SLC25A3: variants seen among roughly 807,000 people sequenced by gnomAD.
SLC25A3 encodes the protein phosphate transport protein.
Under a neutral mutation model 37.1 loss-of-function variants are expected in SLC25A3, and 14 were observed. The observed-to-expected ratio is 0.38, with a 90% CI of 0.25 to 0.59. The LOEUF (loss-of-function observed/expected upper bound fraction) is 0.59. Among genes scored for constraint, SLC25A3 ranks in the 20% least tolerant of loss-of-function variants. The pLI, the probability that SLC25A3 is intolerant of heterozygous loss-of-function variation, is 0.67. For missense variants in SLC25A3, 385 were observed against 458.1 expected, an observed-to-expected ratio of 0.84 and a Z score of 1.46; for synonymous variants, 161 against 168.7, an observed-to-expected ratio of 0.95 and a Z score of 0.36.
In SLC25A3 at chr12:98,601,556, C is replaced by T. The variant is rs370373809; in HGVS notation, c.*28C>T. The T allele has an allele frequency of 4.9e-6, 7 of 1,416,786 alleles. No individual in the cohort carries two copies. Among genetic ancestry groups the T allele is most frequent in the Non-Finnish European group, 7.0e-6 (7 of 1,000,112 alleles). 87.8% of individuals were successfully genotyped at this position (1,416,786 alleles called of 1,614,324 possible). A position where few individuals can be genotyped will look rare whatever the true frequency, so the allele number is the denominator to read the frequency against. ...AGATCAAAGCAAATGTGGACTGAAT[C>T]TGCTTGTTGATCAGTGTTGAAGAAA... On this transcript the variant is annotated 3_prime_UTR_variant, in exon 8 of 8. Transcript: ENST00000552981.
Position 98,594,155 on chromosome 12 carries a change from A to G in SLC25A3, c.157+20A>G, listed in dbSNP as rs775780499. On this transcript the variant is annotated intron_variant, in intron 2 of 7. Transcript: ENST00000552981. ...TGGAAGGTGAGATCAGACCCTGCCC[A>G]ATACAGTCGTGTGGTCTACTTGTGG... is the stretch of plus-strand genomic sequence containing the variant. The G allele has an allele frequency of 5.6e-6, 9 of 1,593,176 alleles. No individual in the cohort carries two copies. In the East Asian group the frequency reaches 1.8e-4, roughly 32 times the overall value.
At position 98,593,960 on chromosome 12, in the gene SLC25A3, T is replaced by A; in HGVS notation, c.-4-15T>A. 1 of 1,613,766 alleles carries A rather than the reference T, an allele frequency of 6.2e-7. No individual in the cohort carries two copies. Among genetic ancestry groups the A allele is most frequent in the Non-Finnish European group, 8.5e-7 (1 of 1,179,860 alleles). ...GCCTTGCCTGTCCTCTAACCGTCGC[T>A]CCCTCCTCCCCTAGAAAGATGTTCT... On this transcript the variant is annotated splice_polypyrimidine_tract_variant and intron_variant, in intron 1 of 7. Coordinates refer to ENST00000552981, the MANE Select transcript of SLC25A3 (RefSeq NM_002635.4).
chr12:98,593,870 G>A, intron 1 of SLC25A3, 105 bp from the exon 2 acceptor site: 1 of 1,316,934 alleles, frequency 7.6e-7, no homozygotes, highest in East Asian at 2.5e-5. Context: ...ACCTCTTCAA[G>A]GGCGTGGAGA....
rs12297282 is a variant in SLC25A3 at position 98,599,846 on chromosome 12, A to G, written c.642-109A>G. The G allele has an allele frequency of 7.6e-3, 8,595 of 1,124,520 alleles. 403 individuals carry two copies. In the African/African-American group the frequency reaches 0.11, roughly 14 times the overall value. 69.7% of individuals were successfully genotyped at this position (1,124,520 alleles called of 1,614,324 possible). A position where few individuals can be genotyped will look rare whatever the true frequency, so the allele number is the denominator to read the frequency against. On this transcript the variant is annotated intron_variant, in intron 5 of 7. Coordinates refer to ENST00000552981, the MANE Select transcript of SLC25A3 (RefSeq NM_002635.4). ...AGAAATGACATGCATTTATGCTGCC[A>G]TTTGTTACTATCAGGACTCGACTCG...
chr12:98,600,327 T>C (rs1281358571), intron 6 of SLC25A3, among the ~76,000 whole-genome samples, 200 bp downstream of exon 6: 1 of 152,190 alleles, frequency 6.6e-6, no homozygotes, highest in Non-Finnish European at 1.5e-5. Flanking sequence ...AACCTCCTCC[T>C]CCTGGGTTCA....
intron 3 of SLC25A3, among the ~76,000 whole-genome samples, chr12:98,597,100 T>A (rs2097593647): frequency 1.3e-5 from 2 of 152,182 alleles, no homozygotes. Context: ...TACGTATTTT[T>A]GTTGAAATTT....
chr12:98,598,627 A>C lies in SLC25A3; in HGVS notation c.565A>C (p.Ile189Leu), dbSNP rs752836073. The change falls in exon 5 of 8, where the codon ATT (isoleucine) becomes CTT (leucine). Residue 189 changes from isoleucine to leucine, a missense_variant. Around this residue, in one of 2 missense-constraint regions of SLC25A3, gnomAD observed 276 missense variants for 367.6 expected, o/e 0.75. Coordinates refer to ENST00000552981, the MANE Select transcript of SLC25A3 (RefSeq NM_002635.4). ...LAPMEAAKVR[I>L]QTQPGYANTL... ...TCCTATGGAAGCTGCTAAGGTTCGA[A>C]TTCAAACCCAGCCAGGTTATGCCAA... is the stretch of plus-strand genomic sequence containing the variant. 6.2e-7 allele frequency: 1 copy of C among 1,614,172 alleles called. No individual in the cohort carries two copies. Among genetic ancestry groups the C allele is most frequent in the Non-Finnish European group, 8.5e-7 (1 of 1,180,024 alleles).
Position 98,597,839 on chromosome 12 carries a change from TC to T in SLC25A3, c.280-16del. The T allele has an allele frequency of 3.1e-6, 5 of 1,609,084 alleles. No individual in the cohort carries two copies. Among genetic ancestry groups the T allele is most frequent in the Non-Finnish European group, 3.4e-6 (4 of 1,176,202 alleles). On this transcript the variant is annotated splice_polypyrimidine_tract_variant and intron_variant, in intron 3 of 7. Transcript: ENST00000552981. ...TGTTTGGTGCATTTAATTTTTTTTT[TC>T]TTGTTTTAAATAAAGGTGGACCCCC...
Position 98,605,517 on chromosome 12 carries a change from C to T in SLC25A3, c.*3989C>T, listed in dbSNP as rs2097600751. 1 of 152,066 alleles carries T rather than the reference C, an allele frequency of 6.6e-6. No individual in the cohort carries two copies. Among genetic ancestry groups the T allele is most frequent in the African/African-American group, 2.4e-5 (1 of 41,420 alleles). 9.4% of individuals were successfully genotyped at this position (152,066 alleles called of 1,614,324 possible). A position where few individuals can be genotyped will look rare whatever the true frequency, so the allele number is the denominator to read the frequency against. On this transcript the variant is annotated 3_prime_UTR_variant, in exon 8 of 8. Coordinates refer to ENST00000552981, the MANE Select transcript of SLC25A3 (RefSeq NM_002635.4). ...TAGGAGTTATACATTGCTTCTATAG[C>T]ATCAGAAATTGTATATCAGGCCAGG...
At chr12:98,600,221 T>C (rs2097596645) in intron 6 of SLC25A3, 94 bp downstream of exon 6, 4 of 917,032 alleles carry the variant, frequency 4.4e-6, no homozygotes, top group South Asian at 2.7e-5. Context: ...ACTCCAAAGG[T>C]TATAAAGCAG....
In SLC25A3 at chr12:98,601,493, G is replaced by A; in HGVS notation, c.1051G>A (p.Glu351Lys). ...TCGCCCTCCTCCACCCGAGATGCCA[G>A]AGTCTCTGAAGAAGAAGCTTGGGTT... The part of the protein sequence containing the change: ...LPRPPPPEMP[E>K]SLKKKLGLTQ Residue 351 changes from glutamate (E) to lysine (K), a missense_variant, in exon 8 of 8, where the codon GAG becomes AAG. Around this residue, in one of 2 missense-constraint regions of SLC25A3, gnomAD observed 276 missense variants for 367.6 expected, o/e 0.75. Transcript: ENST00000552981. The A allele has an allele frequency of 6.2e-7, 1 of 1,614,032 alleles. No individual in the cohort carries two copies. Among genetic ancestry groups the A allele is most frequent in the Non-Finnish European group, 8.5e-7 (1 of 1,179,920 alleles).
At position 98,595,270 on chromosome 12, in the gene SLC25A3, G is replaced by C; in HGVS notation, c.158-457G>C. 4.5e-6 allele frequency: 3 copies of C among 662,634 alleles called. No homozygotes were observed. In the South Asian group the frequency reaches 5.4e-5, roughly 12 times the overall value. The allele number at this position is 662,634 out of a possible 1,614,324, so 41.0% of individuals were successfully genotyped here. On this transcript the variant is annotated intron_variant, in intron 2 of 7. Transcript: ENST00000552981. ...TACAGAACCCTCATAATTTTTAAAT[G>C]ATCTGAATTTGGCAGTGAATTTTTT...
intron 2 of SLC25A3, chr12:98,595,302 C>G: frequency 1.1e-6 from 1 of 934,272 alleles, no homozygotes; most frequent in Non-Finnish European, 1.7e-6. Flanking sequence ...TTTTTTTAAG[C>G]CACTTAATTG....
chr12:98,601,018 A>G (rs2097597423), intron 6 of SLC25A3, 153 bp from the exon 7 acceptor site: 7 of 776,064 alleles, frequency 9.0e-6, no homozygotes, highest in Non-Finnish European at 1.3e-5. Context: ...TTTACATAGG[A>G]TAGACAGCTT....
intron 3 of SLC25A3, among the ~76,000 whole-genome samples, chr12:98,596,159 G>A (rs1453472093): frequency 1.3e-5 from 2 of 152,168 alleles, no homozygotes; most frequent in African/African-American, 4.8e-5. Flanking sequence ...CTATGTGTTG[G>A]AGTGGGTAAA....
At chr12:98,594,325 C>T (rs1287349685) in intron 2 of SLC25A3, 190 bp downstream of exon 2, 9 of 706,274 alleles carry the variant, frequency 1.3e-5, no homozygotes, top group African/African-American at 8.7e-5. Context: ...CTTGGCCTTC[C>T]CTCAAGGGCG....
chr12:98,593,991 G>T lies in SLC25A3; in HGVS notation c.13G>T (p.Val5Leu), dbSNP rs891665180. 6.2e-7 allele frequency: 1 copy of T among 1,613,902 alleles called. No individual in the cohort carries two copies. The highest frequency in any genetic ancestry group is 8.5e-7 in the Non-Finnish European group (1 of 1,179,904). MFSS[V>L]AHLARANPFN... ...CTCCCCTAGAAAGATGTTCTCGTCC[G>T]TGGCGCACCTGGCGCGGGCGAACCC... The change falls in exon 2 of 8, where the codon GTG becomes TTG. Residue 5 changes from valine (V) to leucine (L), a missense_variant. Val to Leu is a conservative substitution (Grantham distance 32). Transcript: ENST00000552981.
In SLC25A3 at chr12:98,593,999, C is replaced by T. The variant is rs373428453; in HGVS notation, c.21C>T (p.His7=). MFSSVA[H]LARANPFNTP... The stretch of plus-strand genomic sequence containing the variant: ...GAAAGATGTTCTCGTCCGTGGCGCA[C>T]CTGGCGCGGGCGAACCCCTTCAACA... Residue 7 remains histidine, a synonymous_variant, in exon 2 of 8, where the codon CAC becomes CAT. Coordinates refer to ENST00000552981, the MANE Select transcript of SLC25A3 (RefSeq NM_002635.4). The T allele has an allele frequency of 1.1e-5, 17 of 1,613,780 alleles. No homozygotes were observed. Among genetic ancestry groups the T allele is most frequent in the African/African-American group, 2.7e-5 (2 of 74,928 alleles).
In SLC25A3 at chr12:98,601,583, T is replaced by TGC; in HGVS notation, c.*56_*57dup. On this transcript the variant is annotated 3_prime_UTR_variant, in exon 8 of 8. Coordinates refer to ENST00000552981, the MANE Select transcript of SLC25A3 (RefSeq NM_002635.4). ...GCTTGTTGATCAGTGTTGAAGAAAG[T>TGC]GCAAAAGGAACTTTTATATATTTGA... The TGC allele has an allele frequency of 8.5e-7, 1 of 1,182,032 alleles. No homozygotes were observed. The allele number at this position is 1,182,032 out of a possible 1,614,324, so 73.2% of individuals were successfully genotyped here.
Sources: allele counts gnomAD v4.1 joint callset (sites outside exome capture counted in the v4.1 genomes callset), GRCh38; gene constraint gnomAD v4.1.1; regional missense constraint gnomAD v4.1.1; transcripts MANE v1.5; gene names NCBI Gene and HGNC (gene_info 2026-07-23, HGNC 2026-07-21).